The following ZNF362 variants were observed in gnomAD, a reference collection of about 807,000 sequenced individuals.
ZNF362 encodes rotund homolog.
ZNF362 carries 11 observed loss-of-function variants against 42.9 expected under a neutral mutation model. That is an observed-to-expected ratio of 0.26 (90% CI 0.16 to 0.42). ZNF362 has a LOEUF of 0.42. ZNF362 is among the 20% of genes least tolerant of loss of function. The probability of loss-of-function intolerance (pLI) is 1.00; values close to 1 mark genes in which losing one functional copy is unlikely to be tolerated. For synonymous variants in ZNF362, 255 were observed against 257.3 expected (o/e 0.99, Z 0.09); for missense variants, 362 against 576.2 (o/e 0.63, Z 3.81).
At chr1:33,177,348 A>T in the ZNF362 span, among the ~76,000 whole-genome samples, 365 of 152,280 alleles carry the variant, frequency 2.4e-3, 1 homozygote, top group African/African-American at 7.3e-3. This position sits in a 1 kb window ranked among gnomAD's most constrained non-coding sequence, Gnocchi z 4.1. Flanking sequence ...CTGATAAAGG[A>T]TCCCTAACCC....
chr1:33,174,941 G>A, the ZNF362 span, among the ~76,000 whole-genome samples: 7 of 23,930 alleles, frequency 2.9e-4, no homozygotes, highest in African/African-American at 7.1e-4. Context: ...ATACATATAT[G>A]TGTGTATATA....
the ZNF362 span, among the ~76,000 whole-genome samples, chr1:33,251,079 T>C: frequency 6.6e-6 from 1 of 152,126 alleles, no homozygotes; most frequent in Non-Finnish European, 1.5e-5. Flanking sequence ...GTGAAGGCCA[T>C]GAGGCAAGGA....
At chr1:33,251,631 G>A (rs1390511168), upstream of ZNF362, among the ~76,000 whole-genome samples, 2 of 152,090 alleles carry the variant, frequency 1.3e-5, no homozygotes, top group African/African-American at 2.4e-5. Flanking sequence ...GCCTGCCTAC[G>A]ACATCTAGCC....
the ZNF362 span, among the ~76,000 whole-genome samples, chr1:33,229,839 C>G: frequency 1.7e-4 from 26 of 152,294 alleles, 1 homozygote; most frequent in African/African-American, 5.8e-4. Flanking sequence ...TCCCTCTGCT[C>G]TCTGTCCATC....
Position 33,295,312 on chromosome 1 carries a change from G to A in ZNF362, c.1146+7G>A. On this transcript the variant is annotated splice_region_variant and intron_variant, in intron 8 of 8. Coordinates refer to ENST00000539719, the MANE Select transcript of ZNF362 (RefSeq NM_152493.3). ...TGGGCGGGCCTACACCTCGGTGAGT[G>A]CCGGTCGGCCTGTGCCCTGCCCCGG... The A allele has an allele frequency of 6.2e-7, 1 of 1,613,146 alleles. No homozygotes were observed. Among genetic ancestry groups the A allele is most frequent in the South Asian group, 1.1e-5 (1 of 90,958 alleles).
the ZNF362 span, among the ~76,000 whole-genome samples, chr1:33,250,893 A>AAGAAGG: frequency 7.3e-5 from 11 of 150,128 alleles, no homozygotes; most frequent in East Asian, 2.0e-4. Flanking sequence ...GAAGAAGAAG[A>AAGAAGG]AGGAGAAGAA....
the ZNF362 span, among the ~76,000 whole-genome samples, chr1:33,247,434 C>T: frequency 5.3e-4 from 81 of 152,316 alleles, no homozygotes; most frequent in African/African-American, 1.9e-3. Context: ...AGGACCTTGC[C>T]CTAACGCTGG....
the ZNF362 span, chr1:33,182,121 C>T: frequency 6.6e-6 from 1 of 152,086 alleles, no homozygotes; most frequent in Non-Finnish European, 1.5e-5. Flanking sequence ...CAACTCCGCC[C>T]CCGCAGCGGG....
At chr1:33,251,471 G>A in the ZNF362 span, among the ~76,000 whole-genome samples, 6 of 152,066 alleles carry the variant, frequency 3.9e-5, no homozygotes, top group South Asian at 4.2e-4. Context: ...CACCCCCACC[G>A]CTTCCCTACT....
chr1:33,146,894 G>T, the ZNF362 span: 32 of 457,084 alleles, frequency 7.0e-5, no homozygotes, highest in South Asian at 5.2e-4. Context: ...GAGAAGATGG[G>T]GATGAGGGTT....
the ZNF362 span, among the ~76,000 whole-genome samples, chr1:33,231,476 AAGT>A: frequency 6.6e-6 from 1 of 152,204 alleles, no homozygotes; most frequent in Non-Finnish European, 1.5e-5. Flanking sequence ...CACAGCCAGT[AAGT>A]GACTGACCCT....
chr1:33,186,454 T>C, the ZNF362 span, among the ~76,000 whole-genome samples: 1 of 151,878 alleles, frequency 6.6e-6, no homozygotes, highest in Non-Finnish European at 1.5e-5. Flanking sequence ...GTGAGTTCAG[T>C]GCTAGTGAAT....
At chr1:33,127,523 A>G in the ZNF362 span, among the ~76,000 whole-genome samples, 1 of 152,220 alleles carries the variant, frequency 6.6e-6, no homozygotes, top group Admixed American at 6.5e-5. Flanking sequence ...AAAGGGGTCA[A>G]CCCGGGACTG....
the ZNF362 span, among the ~76,000 whole-genome samples, chr1:33,205,988 C>T: frequency 1.3e-5 from 2 of 151,974 alleles, no homozygotes; most frequent in Non-Finnish European, 2.9e-5. Flanking sequence ...AATATAGACC[C>T]GTGTTTATAT....
At chr1:33,147,328 A>T in the ZNF362 span, 1 of 1,614,214 alleles carries the variant, frequency 6.2e-7, no homozygotes, top group Non-Finnish European at 8.5e-7. This position sits in a 1 kb window ranked among gnomAD's most constrained non-coding sequence, Gnocchi z 8.1. Context: ...GAAGATGAGC[A>T]AGCCTTGGTC....
At chr1:33,205,910 T>C in the ZNF362 span, among the ~76,000 whole-genome samples, 1 of 151,600 alleles carries the variant, frequency 6.6e-6, no homozygotes, top group Admixed American at 6.6e-5. Flanking sequence ...AGCAAGACTC[T>C]GTCTCAAAAA....
chr1:33,295,056 G>GC lies in ZNF362; in HGVS notation c.987+48dup, dbSNP rs376359651. The stretch of plus-strand genomic sequence containing the variant: ...CCTCCTGCCCACCAGGTGCTCTGGT[G>GC]CCCCCCCACCCACCCCCACAAGGAA... On this transcript the variant is annotated intron_variant, in intron 7 of 8. Coordinates refer to ENST00000539719, the MANE Select transcript of ZNF362 (RefSeq NM_152493.3). 510 of 1,611,150 alleles carry GC rather than the reference G, an allele frequency of 3.2e-4. 5 individuals carry two copies. In the African/African-American group the frequency reaches 3.3e-3, roughly 10 times the overall value.
chr1:33,148,236 C>T, the ZNF362 span, among the ~76,000 whole-genome samples: 1 of 152,144 alleles, frequency 6.6e-6, no homozygotes, highest in African/African-American at 2.4e-5. Context: ...TCCCCGACTC[C>T]CAGTGATTTT....
chr1:33,160,150 C>A, the ZNF362 span, among the ~76,000 whole-genome samples: 149 of 152,194 alleles, frequency 9.8e-4, no homozygotes, highest in Non-Finnish European at 1.7e-3. Context: ...AATGAAATGG[C>A]CCAGGTGAGA....
Sources: gnomAD v4.1 joint callset for allele counts (sites outside exome capture counted in the v4.1 genomes callset) on GRCh38, gnomAD v4.1.1 for gene constraint, Gnocchi (gnomAD v3.1) non-coding constraint, MANE v1.5 for transcripts, NCBI Gene and HGNC (gene_info 2026-07-23, HGNC 2026-07-21) for gene names.